ADAMTS18: variants seen among roughly 807,000 people sequenced by gnomAD.
ADAMTS18 encodes the protein A disintegrin and metalloproteinase with thrombospondin motifs 18.
In ADAMTS18, 157 loss-of-function variants were observed where a neutral mutation model predicts 165.9. That is an observed-to-expected ratio of 0.95 (90% CI 0.83 to 1.08). The LOEUF is 1.08. ADAMTS18 is among the 50% of genes least tolerant of loss of function. The pLI, the probability that ADAMTS18 is intolerant of heterozygous loss-of-function variation, is 0.00. For missense variants in ADAMTS18, 2,040 were observed against 1,534.0 expected (o/e 1.33, Z -5.51); for synonymous variants, 782 against 578.2 (o/e 1.35, Z -5.06).
At chr16:77,285,612 G>A (rs2055234766) in intron 22 of ADAMTS18, among the ~76,000 whole-genome samples, 1 of 152,074 alleles carries the variant, frequency 6.6e-6, no homozygotes, top group Non-Finnish European at 1.5e-5. Context: ...TCCCCTTCAT[G>A]TAAGTAAGTC....
intron 4 of ADAMTS18, among the ~76,000 whole-genome samples, chr16:77,366,061 T>C (rs978881846): frequency 6.6e-6 from 1 of 152,230 alleles, no homozygotes; most frequent in Non-Finnish European, 1.5e-5. Context: ...ATTTCAATAA[T>C]ACCAAAAACT....
At chr16:77,284,840 T>C (rs761577921) in intron 22 of ADAMTS18, among the ~76,000 whole-genome samples, 6 of 152,092 alleles carry the variant, frequency 3.9e-5, no homozygotes, top group South Asian at 2.1e-4. Flanking sequence ...GAGGGTGTGC[T>C]GCTGGTCCAC....
At chr16:77,339,479 A>T (rs1336464316) in intron 11 of ADAMTS18, among the ~76,000 whole-genome samples, 1 of 152,058 alleles carries the variant, frequency 6.6e-6, no homozygotes, top group East Asian at 1.9e-4. Flanking sequence ...GAACTTAGAT[A>T]CCTGAAGTGC....
At chr16:77,323,916 G>C (rs748608625) in intron 13 of ADAMTS18, among the ~76,000 whole-genome samples, 2 of 152,186 alleles carry the variant, frequency 1.3e-5, no homozygotes, top group Non-Finnish European at 1.5e-5. Flanking sequence ...AACATCTGTT[G>C]CATGCATGAA....
chr16:77,429,411 C>T (rs183651410), intron 3 of ADAMTS18, among the ~76,000 whole-genome samples: 136 of 152,204 alleles, frequency 8.9e-4, no homozygotes, highest in African/African-American at 3.2e-3. Flanking sequence ...AAGAAGGGAA[C>T]AATAGACACT....
At chr16:77,377,714 T>C (rs2056972911) in intron 3 of ADAMTS18, among the ~76,000 whole-genome samples, 1 of 152,210 alleles carries the variant, frequency 6.6e-6, no homozygotes, top group Admixed American at 6.5e-5. Flanking sequence ...TTTGAATCTA[T>C]CTGCAACAAC....
At chr16:77,398,944 G>GA (rs546747140) in intron 3 of ADAMTS18, among the ~76,000 whole-genome samples, 1 of 152,088 alleles carries the variant, frequency 6.6e-6, no homozygotes, top group Non-Finnish European at 1.5e-5. Context: ...GGGAGATGTT[G>GA]AAAATACAAA....
chr16:77,327,285 G>A lies in ADAMTS18; in HGVS notation c.1860-1247C>T, dbSNP rs141439436. Among the ~76,000 whole-genome samples the A allele has an allele frequency of 3.9e-5, 6 of 152,152 alleles. No homozygotes were observed. The South Asian group carries it at 8.3e-4, about 21-fold the overall frequency. On this transcript the variant is annotated intron_variant, in intron 12 of 22. Coordinates refer to ENST00000282849, the MANE Select transcript of ADAMTS18 (RefSeq NM_199355.4). ...TGAGATTTTTGTGCACCCCTCACCCGATCAGTGTACCCTGGACCCATTGTG... is the reference window on the plus strand; with the variant it reads ...TGAGATTTTTGTGCACCCCTCACCCAATCAGTGTACCCTGGACCCATTGTG...
chr16:77,419,470 T>G (rs1242830947), intron 3 of ADAMTS18, among the ~76,000 whole-genome samples: 1 of 152,152 alleles, frequency 6.6e-6, no homozygotes, highest in Non-Finnish European at 1.5e-5. Context: ...GGAGAATTTC[T>G]CATATGCTAA....
chr16:77,432,462 AG>A (rs1162054932), intron 2 of ADAMTS18: 2 of 152,202 alleles, frequency 1.3e-5, no homozygotes, highest in African/African-American at 4.8e-5. Context: ...TGTTCCAAAG[AG>A]GAGGAGCTAA....
Position 77,434,713 on chromosome 16 carries a change from G to A in ADAMTS18, c.-18C>T, listed in dbSNP as rs1039389297. On this transcript the variant is annotated 5_prime_UTR_variant, in exon 1 of 23. Coordinates refer to ENST00000282849, the MANE Select transcript of ADAMTS18 (RefSeq NM_199355.4). ...CACTCCATGGTCAGGTGCGGACGCG[G>A]CGGCTGCGGGTGGCCAGACGCGGCA... 1 of 1,430,850 alleles carries A rather than the reference G, an allele frequency of 7.0e-7. No individual in the cohort carries two copies. The allele number at this position is 1,430,850 out of a possible 1,614,324, so 88.6% of individuals were successfully genotyped here.
intron 12 of ADAMTS18, among the ~76,000 whole-genome samples, chr16:77,329,871 A>G (rs373824081): frequency 2.6e-5 from 4 of 152,314 alleles, no homozygotes; most frequent in East Asian, 3.9e-4. Flanking sequence ...TAGGCACATG[A>G]TTTTGTCCTT....
intron 21 of ADAMTS18, chr16:77,290,869 T>C: frequency 3.9e-6 from 1 of 256,452 alleles, no homozygotes; most frequent in Non-Finnish European, 7.6e-6. Context: ...TATTAGCTAT[T>C]ACATTGTTCA....
intron 8 of ADAMTS18, 148 bp downstream of exon 8, chr16:77,359,170 G>T: frequency 1.4e-6 from 1 of 733,608 alleles, no homozygotes; most frequent in Admixed American, 2.1e-5. Flanking sequence ...AGCCTTTAGT[G>T]AGCCCTTTGT....
chr16:77,338,675 C>T (rs148938421), intron 11 of ADAMTS18, among the ~76,000 whole-genome samples: 1,550 of 151,868 alleles, frequency 0.01, 24 homozygotes, highest in African/African-American at 0.035. Flanking sequence ...GTGGCTTGGC[C>T]GGGCGCGGTG....
At chr16:77,358,539 G>A (rs566962413) in intron 8 of ADAMTS18, among the ~76,000 whole-genome samples, 48 of 152,298 alleles carry the variant, frequency 3.2e-4, no homozygotes, top group African/African-American at 1.2e-3. Context: ...TCCAGCCGGG[G>A]CGACAGACGG....
chr16:77,379,333 T>A (rs1276808964), intron 3 of ADAMTS18, among the ~76,000 whole-genome samples: 1 of 151,668 alleles, frequency 6.6e-6, no homozygotes, highest in Non-Finnish European at 1.5e-5. Context: ...TTGGCTAGCA[T>A]CATGGGGAGA....
chr16:77,291,246 C>G lies in ADAMTS18; in HGVS notation c.3402+20G>C. On this transcript the variant is annotated intron_variant, in intron 21 of 22. Coordinates refer to ENST00000282849, the MANE Select transcript of ADAMTS18 (RefSeq NM_199355.4). ...GACATCTCACTTGAATAGACACCTC[C>G]TCAATCGGCCTGTACCCACCTGCTG... The G allele has an allele frequency of 6.2e-7, 1 of 1,613,084 alleles. No homozygotes were observed.
intron 3 of ADAMTS18, among the ~76,000 whole-genome samples, chr16:77,411,017 C>A (rs923532077): frequency 6.6e-6 from 1 of 152,142 alleles, no homozygotes; most frequent in South Asian, 2.1e-4. Context: ...CCAACTGAAA[C>A]CCTCATTTTC....
Sources: allele counts gnomAD v4.1 joint callset (sites outside exome capture counted in the v4.1 genomes callset), GRCh38; gene constraint gnomAD v4.1.1; transcripts MANE v1.5; gene names NCBI Gene and HGNC (gene_info 2026-07-23, HGNC 2026-07-21).